RGS17: variants seen among roughly 807,000 people sequenced by gnomAD.
The protein encoded by RGS17 is regulator of G-protein signaling 17.
RGS17 carries 12 observed loss-of-function variants against 25.5 expected under a neutral mutation model. That is an observed-to-expected ratio of 0.47 (90% CI 0.30 to 0.76). The LOEUF (loss-of-function observed/expected upper bound fraction) is 0.76, where lower values mean the gene tolerates loss of function less well. Ranked by LOEUF, RGS17 falls within the 30% of genes least tolerant of loss-of-function variation. RGS17 has a pLI of 0.07. For missense variants in RGS17, 196 were observed against 242.2 expected (o/e 0.81, Z 1.27); for synonymous variants, 71 against 76.9 (o/e 0.92, Z 0.40).
intron 1 of RGS17, among the ~76,000 whole-genome samples, chr6:153,085,227 T>C (rs1366415439): frequency 6.6e-6 from 1 of 152,220 alleles, no homozygotes; most frequent in Non-Finnish European, 1.5e-5. Context: ...TAGCCTTTTC[T>C]CTATTGCTAG....
Position 153,007,359 on chromosome 6 carries a change from G to A in RGS17, c.*4215C>T, listed in dbSNP as rs897595603. 2.6e-5 allele frequency: 4 copies of A among 151,944 alleles called. No individual in the cohort carries two copies. Among genetic ancestry groups the A allele is most frequent in the Non-Finnish European group, 5.9e-5 (4 of 67,998 alleles). The allele number at this position is 151,944 out of a possible 1,614,324, so 9.4% of individuals were successfully genotyped here. ...GTTTTTGCAGGAGAACAAACCCATT[G>A]GTCAGAAATTTGAAGATGGAAAACA... On this transcript the variant is annotated 3_prime_UTR_variant, in exon 5 of 5. Coordinates refer to ENST00000206262, the MANE Select transcript of RGS17 (RefSeq NM_012419.5).
intron 2 of RGS17, among the ~76,000 whole-genome samples, chr6:153,030,297 C>T (rs1042473430): frequency 5.3e-5 from 8 of 152,070 alleles, no homozygotes; most frequent in Admixed American, 2.6e-4. Flanking sequence ...CATGGATATG[C>T]GCAGGGTCTA....
intron 1 of RGS17, among the ~76,000 whole-genome samples, chr6:153,053,788 T>C (rs1776494036): frequency 6.7e-6 from 1 of 150,112 alleles, no homozygotes; most frequent in South Asian, 2.1e-4. Flanking sequence ...CAAGAGCCTG[T>C]CTCAAAAAAG....
chr6:153,100,018 G>A (rs1777276150), intron 1 of RGS17, among the ~76,000 whole-genome samples: 1 of 152,036 alleles, frequency 6.6e-6, no homozygotes, highest in Non-Finnish European at 1.5e-5. Flanking sequence ...CCTTGATAGG[G>A]CAGAAAGGGA....
intron 1 of RGS17, among the ~76,000 whole-genome samples, chr6:153,045,789 T>A (rs953208631): frequency 2.1e-4 from 32 of 152,264 alleles, no homozygotes; most frequent in Middle Eastern, 3.4e-3. Context: ...ATAAACAATG[T>A]GATAAATGAA....
chr6:153,037,373 A>T (rs1425099684), intron 2 of RGS17, among the ~76,000 whole-genome samples: 1 of 152,126 alleles, frequency 6.6e-6, no homozygotes, highest in Admixed American at 6.5e-5. Flanking sequence ...CATTCAACAA[A>T]TGTTAAACAC....
chr6:153,042,887 C>G (rs1337268493), intron 2 of RGS17, among the ~76,000 whole-genome samples: 3 of 152,152 alleles, frequency 2.0e-5, no homozygotes, highest in Non-Finnish European at 4.4e-5. Context: ...AGATAATACA[C>G]AGAGAGATGA....
chr6:153,100,012 G>C lies in RGS17; in HGVS notation c.-26+31112C>G, dbSNP rs1777275973. ...GGGCTATATTTAGTACATTCTCCTT[G>C]ATAGGGCAGAAAGGGAAATTAATAC... On this transcript the variant is annotated intron_variant, in intron 1 of 4. Transcript: ENST00000206262. Among the ~76,000 whole-genome samples, 3 of 152,084 alleles carry C rather than the reference G, an allele frequency of 2.0e-5. No homozygotes were observed. In the South Asian group the frequency reaches 6.2e-4, roughly 32 times the overall value.
At chr6:153,071,619 T>C (rs1320924689) in intron 1 of RGS17, among the ~76,000 whole-genome samples, 1 of 152,188 alleles carries the variant, frequency 6.6e-6, no homozygotes, top group Non-Finnish European at 1.5e-5. Flanking sequence ...AACTGCTGTG[T>C]CAAATTGCTA....
chr6:153,059,076 C>T (rs116549988), intron 1 of RGS17, among the ~76,000 whole-genome samples: 2,164 of 152,138 alleles, frequency 0.014, 58 homozygotes, highest in African/African-American at 0.049. Flanking sequence ...TCTTTTCCTA[C>T]TTGATATACA....
intron 1 of RGS17, among the ~76,000 whole-genome samples, chr6:153,109,753 T>C (rs1339068816): frequency 6.6e-6 from 1 of 152,222 alleles, no homozygotes; most frequent in Non-Finnish European, 1.5e-5. Context: ...CCCATGGACT[T>C]GGAGAGTGTC....
chr6:153,061,824 T>G (rs1234258848), intron 1 of RGS17, among the ~76,000 whole-genome samples: 1 of 152,238 alleles, frequency 6.6e-6, no homozygotes, highest in African/African-American at 2.4e-5. Flanking sequence ...TGATTCTCTC[T>G]TTTGTACTTC....
intron 1 of RGS17, among the ~76,000 whole-genome samples, chr6:153,087,762 T>C (rs1777071411): frequency 6.6e-6 from 1 of 152,184 alleles, no homozygotes; most frequent in Non-Finnish European, 1.5e-5. Context: ...TGAGCTCTAA[T>C]TAAGAAACTA....
intron 1 of RGS17, among the ~76,000 whole-genome samples, chr6:153,120,149 C>T (rs2129126735): frequency 6.6e-6 from 1 of 152,340 alleles, no homozygotes; most frequent in Non-Finnish European, 1.5e-5. Flanking sequence ...CAACTTCATT[C>T]TGGACGCTAT....
At chr6:153,095,780 C>G (rs915834494) in intron 1 of RGS17, among the ~76,000 whole-genome samples, 1 of 152,132 alleles carries the variant, frequency 6.6e-6, no homozygotes, top group Non-Finnish European at 1.5e-5. Context: ...TCTTTAGGGT[C>G]TATAATATAT....
At chr6:153,080,838 GTT>G (rs140299894) in intron 1 of RGS17, among the ~76,000 whole-genome samples, 2 of 142,744 alleles carry the variant, frequency 1.4e-5, no homozygotes, top group African/African-American at 5.2e-5. Flanking sequence ...CATTTCTCCT[GTT>G]TTTTTTTTAA....
intron 1 of RGS17, among the ~76,000 whole-genome samples, chr6:153,073,213 G>A (rs1206193537): frequency 3.3e-5 from 5 of 152,178 alleles, no homozygotes; most frequent in Non-Finnish European, 7.3e-5. Flanking sequence ...ATAAGGAAAT[G>A]CATCTCTCAT....
At chr6:153,111,867 C>A (rs889282458) in intron 1 of RGS17, among the ~76,000 whole-genome samples, 2 of 152,190 alleles carry the variant, frequency 1.3e-5, no homozygotes, top group Admixed American at 6.5e-5. Flanking sequence ...GCAAAACTAG[C>A]AAACAGAAAG....
At chr6:153,049,693 G>C (rs540595387) in intron 1 of RGS17, among the ~76,000 whole-genome samples, 24 of 152,216 alleles carry the variant, frequency 1.6e-4, no homozygotes, top group Non-Finnish European at 3.1e-4. Context: ...GGAGCTTGCA[G>C]TGAGCCGAGA....
Sources: allele counts gnomAD v4.1 joint callset (sites outside exome capture counted in the v4.1 genomes callset), GRCh38; gene constraint gnomAD v4.1.1; transcripts MANE v1.5; gene names NCBI Gene and HGNC (gene_info 2026-07-23, HGNC 2026-07-21).